The following ITGA10 variants were observed in gnomAD, a reference collection of about 807,000 sequenced individuals.
ITGA10 encodes the protein integrin subunit alpha 10.
ITGA10 carries 105 observed loss-of-function variants against 145.2 expected under a neutral mutation model. The observed-to-expected ratio is 0.72, with a 90% CI of 0.62 to 0.85. ITGA10 has a LOEUF of 0.85. Ranked by LOEUF, ITGA10 falls within the 40% of genes least tolerant of loss-of-function variation. The pLI is 0.00. For missense variants in ITGA10, 1,317 were observed against 1,444.5 expected (o/e 0.91, Z 1.43); for synonymous variants, 506 against 557.8 (o/e 0.91, Z 1.31).
Position 145,909,563 on chromosome 1 carries a change from TTA to T in ITGA10, c.52+398_52+399del, listed in dbSNP as rs1182682875. Among the ~76,000 whole-genome samples the T allele has an allele frequency of 8.0e-5, 11 of 136,970 alleles. No individual in the cohort carries two copies. In the Middle Eastern group the frequency reaches 0.011, roughly 136 times the overall value. The allele number at this position is 136,970 out of a possible 152,430, so 89.9% of individuals were successfully genotyped here. The stretch of plus-strand genomic sequence containing the variant: ...AATTATGTTATATATTATATGTATA[TTA>T]TATATAATATATAATTATGTTACAT... On this transcript the variant is annotated intron_variant, in intron 1 of 29. Coordinates refer to ENST00000369304, the MANE Select transcript of ITGA10 (RefSeq NM_003637.5).
chr1:145,906,228 C>T, intron 5 of ITGA10, 166 bp downstream of exon 5: 1 of 578,228 alleles, frequency 1.7e-6, no homozygotes, highest in South Asian at 2.0e-5. Flanking sequence ...CACACCTGGC[C>T]AGGAGTCTGA....
Position 145,897,537 on chromosome 1 carries a change from A to C in ITGA10, c.2549T>G (p.Leu850Arg). ...CTGAGGAGTGAGACTGGCCAGGTGGAGGTTTCTAGAGAAGATGAGACTCAG... is the reference window on the plus strand; with the variant it reads ...CTGAGGAGTGAGACTGGCCAGGTGGCGGTTTCTAGAGAAGATGAGACTCAG... Reference protein sequence around the residue: ...TSLSLIFSRNLHLASLTPQRE... With the variant: ...TSLSLIFSRNRHLASLTPQRE... Residue 850 changes from leucine to arginine, a missense_variant, in exon 20 of 30, where the codon CTC (leucine) becomes CGC (arginine). By Grantham distance (102) the Leu-to-Arg change is moderately radical. Transcript: ENST00000369304. 6.2e-7 allele frequency: 1 copy of C among 1,614,062 alleles called. No homozygotes were observed. The highest frequency in any genetic ancestry group is 1.6e-4 in the Middle Eastern group (1 of 6,062).
chr1:145,909,606 T>C (rs1052229973), intron 1 of ITGA10, among the ~76,000 whole-genome samples: 7 of 137,772 alleles, frequency 5.1e-5, no homozygotes, highest in Admixed American at 7.8e-5. Flanking sequence ...ATGTATATTA[T>C]ATATAATATA....
chr1:145,897,094 G>T lies in ITGA10; in HGVS notation c.2668-7C>A, dbSNP rs782532960. 6 of 1,612,058 alleles carry T rather than the reference G, an allele frequency of 3.7e-6. No individual in the cohort carries two copies. The highest frequency in any genetic ancestry group is 3.4e-6 in the Non-Finnish European group (4 of 1,178,112). ...ACTCTAGCAGAAAGGTCACCTAGGG[G>T]CAGGGGACACAGGGTAATGGTAGAG... On this transcript the variant is annotated splice_region_variant and splice_polypyrimidine_tract_variant and intron_variant, in intron 21 of 29. Coordinates refer to ENST00000369304, the MANE Select transcript of ITGA10 (RefSeq NM_003637.5).
rs147270843 is a variant in ITGA10, at chr1:145,900,954, G to C, written c.1627C>G (p.Pro543Ala). Residue 543 changes from proline (P) to alanine (A), a missense_variant, in exon 14 of 30, where the codon CCC becomes GCC. Transcript: ENST00000369304. ...LTLQGTLQPEPPQDARFGFAM... is the reference protein window; with the variant it reads ...LTLQGTLQPEAPQDARFGFAM... ...AAGCCAAACCGAGCATCCTGGGGGG[G>C]TTCTGGCTGAAGTGTTCCTTGGAGG... 1.2e-6 allele frequency: 2 copies of C among 1,614,154 alleles called. No homozygotes were observed. The highest frequency in any genetic ancestry group is 1.3e-5 in the African/African-American group (1 of 75,022).
chr1:145,906,087 A>C, intron 5 of ITGA10: 1 of 297,054 alleles, frequency 3.4e-6, no homozygotes, highest in Non-Finnish European at 6.5e-6. Flanking sequence ...GCACCCAGCT[A>C]ATTTTTGTAT....
intron 1 of ITGA10, 69 bp from the exon 2 acceptor site, chr1:145,907,534 G>A (rs1657328146): frequency 1.3e-6 from 2 of 1,596,414 alleles, no homozygotes; most frequent in East Asian, 2.2e-5. Context: ...GAGAGAAGCT[G>A]TGAGGAAGCG....
chr1:145,896,961 C>T, intron 22 of ITGA10, 50 bp downstream of exon 22: 1 of 1,566,074 alleles, frequency 6.4e-7, no homozygotes, highest in Non-Finnish European at 8.8e-7. Flanking sequence ...CCCCTCCAGT[C>T]AAGACTCAGT....
chr1:145,909,980 G>A lies in ITGA10; in HGVS notation c.35C>T (p.Pro12Leu), dbSNP rs781840339. 3 of 1,613,378 alleles carry A rather than the reference G, an allele frequency of 1.9e-6. No individual in the cohort carries two copies. In the Admixed American group the frequency reaches 5.0e-5, roughly 27 times the overall value. ...TCCCTCACCTGTCAGGAACACCAGG[G>A]GCAAGAACAGGTGAGTGACGAAGGG... Reference protein sequence around the residue: ...ELPFVTHLFLPLVFLTGLCSP... With the variant: ...ELPFVTHLFLLLVFLTGLCSP... The change falls in exon 1 of 30, where the codon CCC becomes CTC. Residue 12 changes from proline (P) to leucine (L), a missense_variant. By Grantham distance (98) the Pro-to-Leu change is moderately conservative. Transcript: ENST00000369304.
In ITGA10 at chr1:145,903,024, T is replaced by TACACAC. The variant is rs55794832; in HGVS notation, c.759-69_759-64dup. ...GCAGACACACACACACACACACACATACACACACACACACACACACACACA... is the reference window on the plus strand; with the variant it reads ...GCAGACACACACACACACACACACATACACACACACACACACACACACACACACACA... On this transcript the variant is annotated intron_variant, in intron 7 of 29. Coordinates refer to ENST00000369304, the MANE Select transcript of ITGA10 (RefSeq NM_003637.5). The TACACAC allele has an allele frequency of 1.7e-3, 646 of 379,202 alleles. 3 individuals carry two copies. The highest frequency in any genetic ancestry group is 2.0e-3 in the Non-Finnish European group (445 of 217,530). 23.5% of individuals were successfully genotyped at this position (379,202 alleles called of 1,614,324 possible). A position where few individuals can be genotyped will look rare whatever the true frequency, so the allele number is the denominator to read the frequency against.
chr1:145,907,285 T>C (rs1440596943), intron 2 of ITGA10, 69 bp downstream of exon 2: 4 of 1,612,430 alleles, frequency 2.5e-6, no homozygotes, highest in Non-Finnish European at 3.4e-6. Context: ...TAGAGTCCCA[T>C]CTATCTTGCC....
At chr1:145,892,886 C>T (rs781846794) in intron 29 of ITGA10, 23 bp from the exon 30 acceptor site, 4 of 1,599,522 alleles carry the variant, frequency 2.5e-6, no homozygotes, top group Non-Finnish European at 3.4e-6. Context: ...AGATAAGCGT[C>T]ACTGCCAAAT....
chr1:145,903,002 GACACACACACACACAC>G, intron 7 of ITGA10, 41 bp from the exon 8 acceptor site: 1 of 1,097,034 alleles, frequency 9.1e-7, no homozygotes. Context: ...GATGTATGCA[GACACACACACACACAC>G]ACACATACAC....
chr1:145,896,868 CAG>C lies in ITGA10; in HGVS notation c.2745-12_2745-11del. ...TCTCTCCAGGCTGTCACTGTAGGGT[CAG>C]AGGGGAGAGGCTCACATCTCAACCC... On this transcript the variant is annotated splice_polypyrimidine_tract_variant and intron_variant, in intron 22 of 29. Coordinates refer to ENST00000369304, the MANE Select transcript of ITGA10 (RefSeq NM_003637.5). The C allele has an allele frequency of 3.7e-6, 6 of 1,609,540 alleles. No homozygotes were observed. Among genetic ancestry groups the C allele is most frequent in the Non-Finnish European group, 5.1e-6 (6 of 1,175,870 alleles).
At chr1:145,892,940 G>A in intron 29 of ITGA10, 77 bp from the exon 30 acceptor site, 3 of 1,152,148 alleles carry the variant, frequency 2.6e-6, no homozygotes, top group Non-Finnish European at 3.9e-6. Flanking sequence ...ACTTATCTGA[G>A]GTCTTCACTT....
intron 17 of ITGA10, 26 bp from the exon 18 acceptor site, chr1:145,898,249 C>T: frequency 6.9e-7 from 1 of 1,438,870 alleles, no homozygotes; most frequent in Non-Finnish European, 9.8e-7. Flanking sequence ...GTCACAGAGT[C>T]ACAGAGTCAA....
chr1:145,895,557 G>C, intron 26 of ITGA10, 74 bp downstream of exon 26: 1 of 1,495,670 alleles, frequency 6.7e-7, no homozygotes, highest in African/African-American at 1.4e-5. Flanking sequence ...CCCCACTCCA[G>C]TTCCTACCCT....
At position 145,891,471 on chromosome 1, in the gene ITGA10, A is replaced by G. The variant is rs1408154576; in HGVS notation, c.*1327T>C. On this transcript the variant is annotated 3_prime_UTR_variant, in exon 30 of 30. Transcript: ENST00000369304. Reference sequence around the variant, plus strand: ...TCCCAGAGCTGCACTCTGGAGACCAATAACTGACTTCGATATCTCAAGTCT... The same window carrying G: ...TCCCAGAGCTGCACTCTGGAGACCAGTAACTGACTTCGATATCTCAAGTCT... The G allele has an allele frequency of 6.6e-6, 1 of 152,504 alleles. No homozygotes were observed. The highest frequency in any genetic ancestry group is 1.5e-5 in the Non-Finnish European group (1 of 68,050). 9.4% of individuals were successfully genotyped at this position (152,504 alleles called of 1,614,324 possible).
At position 145,901,191 on chromosome 1, in the gene ITGA10, A is replaced by G; in HGVS notation, c.1531T>C (p.Phe511Leu). 1 of 1,614,134 alleles carries G rather than the reference A, an allele frequency of 6.2e-7. No homozygotes were observed. Among genetic ancestry groups the G allele is most frequent in the South Asian group, 1.1e-5 (1 of 91,072 alleles). ...TDVLLVAAPM[F>L]LGPQNKETGR... ...GTTTCCTTGTTCTGGGGTCCCAGGA[A>G]CATGGGGGCAGCCACAAGTAAGACA... is the stretch of plus-strand genomic sequence containing the variant. The change falls in exon 13 of 30, where the codon TTC (phenylalanine) becomes CTC (leucine). Residue 511 changes from phenylalanine to leucine, a missense_variant. Transcript: ENST00000369304. This position sits in a 1 kb window ranked among gnomAD's most constrained non-coding sequence, Gnocchi z 4.3.
Sources: gnomAD v4.1 joint callset for allele counts (sites outside exome capture counted in the v4.1 genomes callset) on GRCh38, gnomAD v4.1.1 for gene constraint, Gnocchi (gnomAD v3.1) non-coding constraint, MANE v1.5 for transcripts, NCBI Gene and HGNC (gene_info 2026-07-23, HGNC 2026-07-21) for gene names.